KIZ: variants seen among roughly 807,000 people sequenced by gnomAD.
KIZ encodes the protein centrosomal protein kizuna.
A neutral mutation model predicts 79.6 loss-of-function variants in KIZ; 68 were observed. The observed-to-expected ratio is 0.85, with a 90% CI of 0.70 to 1.05. The LOEUF (loss-of-function observed/expected upper bound fraction) is 1.05, where lower values mean the gene tolerates loss of function less well. Ranked by LOEUF, KIZ falls within the 50% of genes least tolerant of loss-of-function variation. KIZ has a pLI of 0.00. For missense variants in KIZ, 797 were observed against 800.4 expected (o/e 1.00, Z 0.05); for synonymous variants, 280 against 281.8 (o/e 0.99, Z 0.06).
At chr20:21,148,770 T>TG (rs2032973029) in intron 4 of KIZ, 1 of 152,222 alleles carries the variant, frequency 6.6e-6, no homozygotes, top group South Asian at 2.1e-4. Context: ...TGAACTATTA[T>TG]GCTGTGAAAT....
At chr20:21,242,127 G>A (rs142685592) in intron 11 of KIZ, among the ~76,000 whole-genome samples, 25 of 152,302 alleles carry the variant, frequency 1.6e-4, no homozygotes, top group Non-Finnish European at 1.5e-4. Context: ...GTCACTACCC[G>A]CATGGATCTT....
intron 3 of KIZ, among the ~76,000 whole-genome samples, chr20:21,139,613 T>G (rs1432883898): frequency 6.6e-6 from 1 of 152,198 alleles, no homozygotes; most frequent in Non-Finnish European, 1.5e-5. Context: ...GAGGCTTCAT[T>G]TAATAGTTGA....
intron 3 of KIZ, among the ~76,000 whole-genome samples, chr20:21,141,040 A>G (rs1341599636): frequency 6.6e-6 from 1 of 152,060 alleles, no homozygotes. Flanking sequence ...AGTAAATTAA[A>G]AAAACCCAAG....
intron 6 of KIZ, among the ~76,000 whole-genome samples, chr20:21,168,964 T>A (rs2034079760): frequency 6.6e-6 from 1 of 152,068 alleles, no homozygotes; most frequent in African/African-American, 2.4e-5. Flanking sequence ...ACATTAGACC[T>A]AAAACCATAA....
At position 21,229,029 on chromosome 20, in the gene KIZ, T is replaced by C. The variant is rs1478454054; in HGVS notation, c.1697T>C (p.Leu566Ser). Residue 566 changes from leucine (L) to serine (S), a missense_variant, in exon 10 of 13, where the codon TTG (leucine) becomes TCG (serine). Transcript: ENST00000619189. ...IPITETEAYQ[L>S]LKKATLQDNT... ...TCAACAGAAACAGAAGCCTATCAGT[T>C]GCTGAAGAAGGCCACCCTTCAGGAT... 4 of 1,606,524 alleles carry C rather than the reference T, an allele frequency of 2.5e-6. No individual in the cohort carries two copies. Among genetic ancestry groups the C allele is most frequent in the East Asian group, 4.5e-5 (2 of 44,836 alleles).
intron 9 of KIZ, among the ~76,000 whole-genome samples, chr20:21,221,924 C>CG (rs2036514765): frequency 0.019 from 1 of 54 alleles, no homozygotes; most frequent in Non-Finnish European, 0.031. Flanking sequence ...TGTCCTATCC[C>CG]AAAGCATTTT....
At chr20:21,140,499 A>G (rs1375636134) in intron 3 of KIZ, among the ~76,000 whole-genome samples, 1 of 152,190 alleles carries the variant, frequency 6.6e-6, no homozygotes, top group African/African-American at 2.4e-5. Context: ...ATCTCCTAAA[A>G]TGAGCTAAAT....
chr20:21,226,085 A>T (rs1459764884), intron 9 of KIZ: 2 of 152,202 alleles, frequency 1.3e-5, no homozygotes, highest in East Asian at 3.8e-4. Flanking sequence ...GAGGCTACAA[A>T]TATGTTCTGT....
intron 4 of KIZ, among the ~76,000 whole-genome samples, chr20:21,157,991 G>A (rs1043325446): frequency 6.6e-6 from 1 of 152,194 alleles, no homozygotes; most frequent in African/African-American, 2.4e-5. Context: ...CAGCCACTCT[G>A]AGGCCTCAGC....
chr20:21,233,238 T>G (rs1030285228), intron 11 of KIZ, among the ~76,000 whole-genome samples: 1 of 152,248 alleles, frequency 6.6e-6, no homozygotes, highest in Non-Finnish European at 1.5e-5. Flanking sequence ...TTGCTGGATA[T>G]TCATTTTTAT....
At chr20:21,211,580 A>G (rs1050000003) in intron 7 of KIZ, among the ~76,000 whole-genome samples, 8 of 152,202 alleles carry the variant, frequency 5.3e-5, no homozygotes, top group Admixed American at 2.0e-4. Context: ...CATTTTTTTC[A>G]GAGAATTAGC....
chr20:21,172,272 G>A (rs750078749), intron 6 of KIZ, among the ~76,000 whole-genome samples: 10 of 152,132 alleles, frequency 6.6e-5, no homozygotes, highest in Non-Finnish European at 1.2e-4. Context: ...TGGAGAAGAG[G>A]AAGGAAATAT....
intron 4 of KIZ, among the ~76,000 whole-genome samples, chr20:21,148,011 A>C (rs1178599541): frequency 8.0e-6 from 1 of 125,478 alleles, no homozygotes; most frequent in Non-Finnish European, 1.8e-5. Flanking sequence ...AGATGAAGGA[A>C]GGACTTGTGA....
At chr20:21,133,322 A>C (rs968524999) in intron 2 of KIZ, 1 of 152,256 alleles carries the variant, frequency 6.6e-6, no homozygotes, top group Non-Finnish European at 1.5e-5. Context: ...ACAAGAAATC[A>C]GTTGTTTTGT....
intron 6 of KIZ, chr20:21,195,036 A>T (rs897273105): frequency 1.3e-5 from 2 of 152,240 alleles, no homozygotes; most frequent in Admixed American, 6.5e-5. Flanking sequence ...AAGACTCGGC[A>T]GAGGTGACTT....
In KIZ at chr20:21,244,321, T is replaced by C. The variant is rs368771801; in HGVS notation, c.1924+33T>C. Reference sequence around the variant, plus strand: ...AGATAATCGGACACTAGATTTTCTTTTTCTGTTTTAACCAAAAAACTCTGT... The same window carrying C: ...AGATAATCGGACACTAGATTTTCTTCTTCTGTTTTAACCAAAAAACTCTGT... On this transcript the variant is annotated intron_variant, in intron 12 of 12. Coordinates refer to ENST00000619189, the MANE Select transcript of KIZ (RefSeq NM_018474.6). 1.2e-4 allele frequency: 185 copies of C among 1,520,682 alleles called. 1 individual carries two copies. Among genetic ancestry groups the C allele is most frequent in the South Asian group, 5.4e-4 (47 of 87,562 alleles). 94.2% of individuals were successfully genotyped at this position (1,520,682 alleles called of 1,614,324 possible). A position where few individuals can be genotyped will look rare whatever the true frequency, so the allele number is the denominator to read the frequency against.
chr20:21,148,788 A>T (rs143444950), intron 4 of KIZ: 2 of 152,326 alleles, frequency 1.3e-5, no homozygotes, highest in Non-Finnish European at 2.9e-5. Context: ...AATATATTCT[A>T]CTAGAAATAG....
At chr20:21,173,820 T>A (rs1008618844) in intron 6 of KIZ, among the ~76,000 whole-genome samples, 3 of 152,158 alleles carry the variant, frequency 2.0e-5, no homozygotes, top group African/African-American at 7.2e-5. Context: ...GGCAGATGGA[T>A]TTCATGAACT....
chr20:21,245,492 C>G lies in KIZ; in HGVS notation c.1925-987C>G, dbSNP rs577805973. The G allele has an allele frequency of 3.9e-5, 6 of 152,412 alleles. 1 individual carries two copies. Among genetic ancestry groups the G allele is most frequent in the East Asian group, 3.9e-4 (2 of 5,184 alleles). 9.4% of individuals were successfully genotyped at this position (152,412 alleles called of 1,614,324 possible). A position where few individuals can be genotyped will look rare whatever the true frequency, so the allele number is the denominator to read the frequency against. On this transcript the variant is annotated intron_variant, in intron 12 of 12. Coordinates refer to ENST00000619189, the MANE Select transcript of KIZ (RefSeq NM_018474.6). Reference sequence around the variant, plus strand: ...AAACATTAATACTTACCTTGCCAGGCTGGTGCGAGGATGAGATGGGGTTGT... The same window carrying G: ...AAACATTAATACTTACCTTGCCAGGGTGGTGCGAGGATGAGATGGGGTTGT...
Sources: gnomAD v4.1 joint callset for allele counts (sites outside exome capture counted in the v4.1 genomes callset) on GRCh38, gnomAD v4.1.1 for gene constraint, MANE v1.5 for transcripts, NCBI Gene and HGNC (gene_info 2026-07-23, HGNC 2026-07-21) for gene names.